The following KIAA1217 variants were observed in gnomAD, a reference collection of about 807,000 sequenced individuals.
KIAA1217 encodes the protein sickle tail protein homolog.
KIAA1217 carries 88 observed loss-of-function variants against 163.9 expected under a neutral mutation model. The observed-to-expected ratio is 0.54, with a 90% confidence interval of 0.45 to 0.64. The LOEUF is 0.64. KIAA1217 is among the 30% of genes least tolerant of loss of function. The probability of loss-of-function intolerance (pLI) is 0.00; values close to 1 mark genes in which losing one functional copy is unlikely to be tolerated. For synonymous variants in KIAA1217, 903 were observed against 923.1 expected, an observed-to-expected ratio of 0.98 and a Z score of 0.39; for missense variants, 2,372 against 2,475.0, an observed-to-expected ratio of 0.96 and a Z score of 0.88.
intron 2 of KIAA1217, among the ~76,000 whole-genome samples, chr10:24,148,138 G>T (rs1214302794): frequency 1.3e-5 from 2 of 151,976 alleles, no homozygotes; most frequent in Non-Finnish European, 2.9e-5. Context: ...ATCCCTAAAG[G>T]AGACTTTTTT....
intron 2 of KIAA1217, among the ~76,000 whole-genome samples, chr10:24,046,590 C>T (rs74637310): frequency 0.038 from 5,734 of 152,118 alleles, 363 homozygotes; most frequent in African/African-American, 0.13. Flanking sequence ...GAGGAAGTGC[C>T]ACACTTTTAA....
chr10:24,057,424 G>T (rs998018177), intron 2 of KIAA1217, among the ~76,000 whole-genome samples: 3 of 152,018 alleles, frequency 2.0e-5, no homozygotes, highest in African/African-American at 7.3e-5. Flanking sequence ...ATAGTAACTC[G>T]CCATTTGTCT....
chr10:23,814,594 T>G (rs1251021094), intron 1 of KIAA1217, among the ~76,000 whole-genome samples: 1 of 152,196 alleles, frequency 6.6e-6, no homozygotes, highest in Non-Finnish European at 1.5e-5. Flanking sequence ...AAAATTTGCT[T>G]GGAAGAAACG....
At chr10:24,428,247 CT>C (rs2059327568) in intron 3 of KIAA1217, among the ~76,000 whole-genome samples, 1 of 152,198 alleles carries the variant, frequency 6.6e-6, no homozygotes, top group Non-Finnish European at 1.5e-5. Context: ...CGGTTTTGGC[CT>C]TTTGATGTAC....
intron 2 of KIAA1217, among the ~76,000 whole-genome samples, chr10:24,029,594 A>G (rs890709737): frequency 3.3e-5 from 5 of 152,160 alleles, no homozygotes; most frequent in East Asian, 1.9e-4. Context: ...TCTGAAGCCA[A>G]CTGGGGGAAA....
At chr10:23,942,502 G>T (rs1843822015) in intron 1 of KIAA1217, among the ~76,000 whole-genome samples, 2 of 152,152 alleles carry the variant, frequency 1.3e-5, no homozygotes. Context: ...GTTATGAAAA[G>T]TAGAGTTAAC....
chr10:24,082,399 A>G (rs2061566445), intron 2 of KIAA1217, among the ~76,000 whole-genome samples: 1 of 150,710 alleles, frequency 6.6e-6, no homozygotes, highest in Admixed American at 6.6e-5. Flanking sequence ...TCTCCCCCAA[A>G]CCCCCACCCC....
intron 2 of KIAA1217, among the ~76,000 whole-genome samples, chr10:24,266,826 G>A (rs924157889): frequency 2.6e-5 from 4 of 152,156 alleles, no homozygotes; most frequent in Non-Finnish European, 4.4e-5. Flanking sequence ...GTGGCAACCC[G>A]CTCGGTCCCC....
chr10:23,854,514 T>C lies in KIAA1217; in HGVS notation c.-320-152711T>C, dbSNP rs547459139. ...TGTTGATGTGGGGTGGAGAGTTCTGTAGATGTCTATTAGATCCGCTTGGTG... is the reference window on the plus strand; with the variant it reads ...TGTTGATGTGGGGTGGAGAGTTCTGCAGATGTCTATTAGATCCGCTTGGTG... On this transcript the variant is annotated intron_variant, in intron 1 of 18. Transcript: ENST00000376462. Among the ~76,000 whole-genome samples the C allele has an allele frequency of 1.2e-4, 18 of 152,152 alleles. No individual in the cohort carries two copies. In the South Asian group the frequency reaches 2.7e-3, roughly 23 times the overall value.
At chr10:24,345,717 G>C (rs1337590434) in intron 2 of KIAA1217, among the ~76,000 whole-genome samples, 3 of 152,168 alleles carry the variant, frequency 2.0e-5, no homozygotes, top group Admixed American at 6.5e-5. Context: ...TAGGCTAGGA[G>C]TTGGTGATTT....
At chr10:24,284,732 T>A (rs1359178946) in intron 2 of KIAA1217, among the ~76,000 whole-genome samples, 1 of 152,182 alleles carries the variant, frequency 6.6e-6, no homozygotes, top group Admixed American at 6.5e-5. Flanking sequence ...GTAGAATGAT[T>A]TATTTTCTTT....
chr10:24,469,965 T>A (rs1280582359), intron 5 of KIAA1217, among the ~76,000 whole-genome samples: 1 of 152,238 alleles, frequency 6.6e-6, no homozygotes, highest in Admixed American at 6.5e-5. Context: ...ATGACAACAG[T>A]ACCTACCATT....
At chr10:24,167,163 C>T (rs1034493796) in intron 2 of KIAA1217, among the ~76,000 whole-genome samples, 2 of 145,116 alleles carry the variant, frequency 1.4e-5, no homozygotes, top group Admixed American at 7.1e-5. Flanking sequence ...TCTGCTTGGA[C>T]TTCTCTAGTC....
intron 1 of KIAA1217, among the ~76,000 whole-genome samples, chr10:23,762,971 T>C (rs1440711195): frequency 6.6e-6 from 1 of 151,716 alleles, no homozygotes; most frequent in East Asian, 1.9e-4. Context: ...TATACACCAA[T>C]AGAGAAGCAG....
At chr10:23,883,267 T>C (rs1841030108) in intron 1 of KIAA1217, among the ~76,000 whole-genome samples, 1 of 151,846 alleles carries the variant, frequency 6.6e-6, no homozygotes, top group Non-Finnish European at 1.5e-5. Flanking sequence ...CTTGGGAAAA[T>C]AACATAAAGG....
intron 2 of KIAA1217, among the ~76,000 whole-genome samples, chr10:24,227,164 T>C (rs1226137585): frequency 6.6e-6 from 1 of 150,990 alleles, no homozygotes; most frequent in African/African-American, 2.4e-5. Context: ...TTATTATTAT[T>C]ATCATTATTT....
chr10:24,029,475 T>C lies in KIAA1217; in HGVS notation c.-171+22101T>C, dbSNP rs963193012. Among the ~76,000 whole-genome samples, 92 of 152,290 alleles carry C rather than the reference T, an allele frequency of 6.0e-4. 1 individual carries two copies. The highest frequency in any genetic ancestry group is 2.1e-3 in the African/African-American group (89 of 41,566). On this transcript the variant is annotated intron_variant, in intron 2 of 18. Transcript: ENST00000376462. ...ATAAAAACAAGTGCAGGGTCCTCAG[T>C]GGATCTTTATTTACTCATTTAAAAA...
chr10:24,232,833 G>A (rs1219190318), intron 2 of KIAA1217, among the ~76,000 whole-genome samples: 1 of 136,942 alleles, frequency 7.3e-6, no homozygotes, highest in Non-Finnish European at 1.5e-5. Context: ...TATATAAAAA[G>A]TACAAGGCCG....
At chr10:23,897,545 G>A (rs947181412) in intron 1 of KIAA1217, among the ~76,000 whole-genome samples, 3 of 152,018 alleles carry the variant, frequency 2.0e-5, no homozygotes, top group African/African-American at 7.2e-5. Flanking sequence ...CAACATCCAC[G>A]AATTTGACCT....
Sources: allele counts gnomAD v4.1 joint callset (sites outside exome capture counted in the v4.1 genomes callset), GRCh38; gene constraint gnomAD v4.1.1; transcripts MANE v1.5; gene names NCBI Gene and HGNC (gene_info 2026-07-23, HGNC 2026-07-21).